Variants in RBM46 observed in about 807,000 individuals in gnomAD.
RBM46 encodes RNA binding motif protein 46, also known as probable RNA-binding protein 46.
RBM46 carries 12 observed loss-of-function variants against 43.3 expected under a neutral mutation model. The observed-to-expected ratio is 0.28, with a 90% CI of 0.18 to 0.45. RBM46 has a LOEUF of 0.45. RBM46 is among the 20% of genes least tolerant of loss of function. The pLI is 1.00. For synonymous variants in RBM46, 205 were observed against 207.6 expected (o/e 0.99, Z 0.11); for missense variants, 412 against 639.1 (o/e 0.64, Z 3.83).
At position 154,828,342 on chromosome 4, in the gene RBM46, G is replaced by T; in HGVS notation, c.*275G>T. ...CTTCTAGGATTTTCTTCTACTTTCTGAGTGGGCAATAGAACCTAGTCATTT... is the reference window on the plus strand; with the variant it reads ...CTTCTAGGATTTTCTTCTACTTTCTTAGTGGGCAATAGAACCTAGTCATTT... On this transcript the variant is annotated 3_prime_UTR_variant, in exon 5 of 5. Transcript: ENST00000281722. 2.9e-6 allele frequency: 1 copy of T among 340,114 alleles called. No homozygotes were observed. The allele number at this position is 340,114 out of a possible 1,614,324, so 21.1% of individuals were successfully genotyped here. A position where few individuals can be genotyped will look rare whatever the true frequency, so the allele number is the denominator to read the frequency against.
rs552892636 is a variant in RBM46, at chr4:154,828,278, C to A, written c.*211C>A. ...AGTTTAAAAAGTTATTCAGTGGTTT[C>A]TCTTGATAAAGGTACAGCAAACTAC... On this transcript the variant is annotated 3_prime_UTR_variant, in exon 5 of 5. Coordinates refer to ENST00000281722, the MANE Select transcript of RBM46 (RefSeq NM_144979.5). 1 of 543,614 alleles carries A rather than the reference C, an allele frequency of 1.8e-6. No homozygotes were observed. The highest frequency in any genetic ancestry group is 1.9e-5 in the African/African-American group (1 of 52,458). The allele number at this position is 543,614 out of a possible 1,614,324, so 33.7% of individuals were successfully genotyped here. A position where few individuals can be genotyped will look rare whatever the true frequency, so the allele number is the denominator to read the frequency against.
Position 154,815,293 on chromosome 4 carries a change from A to G in RBM46, c.1403-12575A>G, listed in dbSNP as rs575504930. Among the ~76,000 whole-genome samples the G allele has an allele frequency of 6.6e-5, 10 of 152,134 alleles. No homozygotes were observed. In the South Asian group the frequency reaches 2.1e-3, roughly 32 times the overall value. On this transcript the variant is annotated intron_variant, in intron 4 of 4. Transcript: ENST00000281722. ...AATGACACTCTAAAGATTCTTGAACATAGTGTTTTTGGTGCTCATTTGCAC... is the reference window on the plus strand; with the variant it reads ...AATGACACTCTAAAGATTCTTGAACGTAGTGTTTTTGGTGCTCATTTGCAC...
intron 4 of RBM46, among the ~76,000 whole-genome samples, chr4:154,811,744 G>A (rs1460631051): frequency 1.3e-5 from 2 of 151,140 alleles, no homozygotes; most frequent in East Asian, 2.0e-4. Flanking sequence ...GCAGTGGTGC[G>A]ATCTTGGCTC....
chr4:154,785,365 G>A (rs1359117045), intron 1 of RBM46, among the ~76,000 whole-genome samples: 1 of 151,494 alleles, frequency 6.6e-6, no homozygotes, highest in African/African-American at 2.4e-5. Flanking sequence ...GAGATGGGTT[G>A]GATTGCAGAA....
chr4:154,793,519 C>T (rs1332864826), intron 1 of RBM46, among the ~76,000 whole-genome samples: 1 of 152,082 alleles, frequency 6.6e-6, no homozygotes, highest in Admixed American at 6.5e-5. Flanking sequence ...TTGGGCTTCC[C>T]AGCAGATAAT....
chr4:154,792,636 T>C (rs1265779940), intron 1 of RBM46, among the ~76,000 whole-genome samples: 1 of 152,098 alleles, frequency 6.6e-6, no homozygotes, highest in Non-Finnish European at 1.5e-5. Context: ...TAAGTACATA[T>C]AAGGGAATAC....
intron 1 of RBM46, among the ~76,000 whole-genome samples, chr4:154,791,985 G>GA (rs568643186): frequency 6.6e-6 from 1 of 152,018 alleles, no homozygotes; most frequent in Admixed American, 6.6e-5. Context: ...AAAAAATTGT[G>GA]AAAAAAATCT....
intron 1 of RBM46, among the ~76,000 whole-genome samples, chr4:154,793,600 C>G (rs71605222): frequency 0.22 from 32,808 of 152,056 alleles, 4,134 homozygotes; most frequent in Middle Eastern, 0.3. Context: ...GAAGTGGTCT[C>G]TGCCCTCATG....
intron 4 of RBM46, among the ~76,000 whole-genome samples, chr4:154,815,061 T>A (rs1303708047): frequency 6.6e-6 from 1 of 152,048 alleles, no homozygotes; most frequent in Non-Finnish European, 1.5e-5. Context: ...TGACTTATTC[T>A]ATGTATTTTT....
In RBM46 at chr4:154,801,793, T is replaced by C. The variant is rs1056876108; in HGVS notation, c.1402+2229T>C. 2.0e-5 allele frequency among the ~76,000 whole-genome samples: 3 copies of C among 152,168 alleles called. No homozygotes were observed. In the East Asian group the frequency reaches 5.8e-4, roughly 29 times the overall value. ...GGAAGCAGAGCTTTTAACTCCCTTA[T>C]TACCATAGTTAACTATATAGCATAG... On this transcript the variant is annotated intron_variant, in intron 4 of 4. Transcript: ENST00000281722.
chr4:154,824,467 A>C lies in RBM46; in HGVS notation c.1403-3401A>C, dbSNP rs142371918. On this transcript the variant is annotated intron_variant, in intron 4 of 4. Coordinates refer to ENST00000281722, the MANE Select transcript of RBM46 (RefSeq NM_144979.5). ...AACCCAGATATTCATCATTAGGCAAATAGATAATGAAATTGAAGTATATTC... is the reference window on the plus strand; with the variant it reads ...AACCCAGATATTCATCATTAGGCAACTAGATAATGAAATTGAAGTATATTC... 9.2e-5 allele frequency among the ~76,000 whole-genome samples: 14 copies of C among 152,242 alleles called. No homozygotes were observed. The East Asian group carries it at 2.7e-3, about 29-fold the overall frequency.
intron 3 of RBM46, 136 bp from the exon 4 acceptor site, chr4:154,798,646 A>AT (rs1459450908): frequency 4.6e-6 from 3 of 652,606 alleles, no homozygotes; most frequent in Non-Finnish European, 7.0e-6. Context: ...TTTTGTGTGA[A>AT]TAGGAAACAA....
intron 4 of RBM46, among the ~76,000 whole-genome samples, chr4:154,800,062 C>T (rs1226095715): frequency 6.6e-6 from 1 of 152,160 alleles, no homozygotes; most frequent in African/African-American, 2.4e-5. Flanking sequence ...TGAGCCACCG[C>T]ACCTGGCCTA....
Position 154,828,112 on chromosome 4 carries a change from A to C in RBM46, c.*45A>C. The C allele has an allele frequency of 7.3e-7, 1 of 1,370,318 alleles. No individual in the cohort carries two copies. Among genetic ancestry groups the C allele is most frequent in the Non-Finnish European group, 1.0e-6 (1 of 962,498 alleles). The allele number at this position is 1,370,318 out of a possible 1,614,324, so 84.9% of individuals were successfully genotyped here. On this transcript the variant is annotated 3_prime_UTR_variant, in exon 5 of 5. Transcript: ENST00000281722. ...ATGAAAATTTGTGTAAATTTGTAGT[A>C]TGAAAACTTGCAAATTAAAATATTG...
chr4:154,827,269 GTTTA>G (rs767357881), intron 4 of RBM46: 8 of 936,264 alleles, frequency 8.5e-6, no homozygotes, highest in South Asian at 9.9e-5. Flanking sequence ...GTTTTTTGAA[GTTTA>G]TTTAATAAAG....
chr4:154,816,801 G>A (rs1432327198), intron 4 of RBM46, among the ~76,000 whole-genome samples: 5 of 151,830 alleles, frequency 3.3e-5, no homozygotes, highest in Non-Finnish European at 7.4e-5. Flanking sequence ...TATGATGTGT[G>A]TTATAGCTTT....
chr4:154,809,172 T>A (rs965288157), intron 4 of RBM46, among the ~76,000 whole-genome samples: 1 of 152,126 alleles, frequency 6.6e-6, no homozygotes, highest in African/African-American at 2.4e-5. Context: ...TTGATTTTTT[T>A]ATATCTTTAC....
In RBM46 at chr4:154,820,926, C is replaced by CT. The variant is rs200870297; in HGVS notation, c.1403-6935dup. Among the ~76,000 whole-genome samples, 4 of 151,798 alleles carry CT rather than the reference C, an allele frequency of 2.6e-5. No homozygotes were observed. In the East Asian group the frequency reaches 5.8e-4, roughly 22 times the overall value. ...AGTCAAGATTATTACCTCACAAAGT[C>CT]TTTTTTTACATGTAGAGGCAAAAGA... is the stretch of plus-strand genomic sequence containing the variant. On this transcript the variant is annotated intron_variant, in intron 4 of 4. Transcript: ENST00000281722.
At chr4:154,790,084 G>A (rs1002733442) in intron 1 of RBM46, among the ~76,000 whole-genome samples, 1 of 152,092 alleles carries the variant, frequency 6.6e-6, no homozygotes, top group African/African-American at 2.4e-5. Flanking sequence ...AGTCTTGCTA[G>A]TGGTCTATCA....
Sources: gnomAD v4.1 joint callset for allele counts (sites outside exome capture counted in the v4.1 genomes callset) on GRCh38, gnomAD v4.1.1 for gene constraint, MANE v1.5 for transcripts, NCBI Gene and HGNC (gene_info 2026-07-23, HGNC 2026-07-21) for gene names.